Variants in LIMS1 observed in about 807,000 individuals in gnomAD.
LIMS1 encodes LIM zinc finger domain containing 1, also known as LIM and senescent cell antigen-like-containing domain protein 1.
LIMS1 carries 18 observed loss-of-function variants against 44.1 expected under a neutral mutation model. The observed-to-expected ratio is 0.41, with a 90% confidence interval of 0.28 to 0.61. The LOEUF is 0.61. Among genes scored for constraint, LIMS1 ranks in the 20% least tolerant of loss-of-function variants. The pLI is 0.32. For missense variants in LIMS1, 201 were observed against 422.0 expected, an observed-to-expected ratio of 0.48 and a Z score of 4.59; for synonymous variants, 93 against 149.1, an observed-to-expected ratio of 0.62 and a Z score of 2.74.
chr2:108,611,376 C>T (rs1023800563), intron 1 of LIMS1, among the ~76,000 whole-genome samples: 4 of 152,082 alleles, frequency 2.6e-5, no homozygotes, highest in East Asian at 3.8e-4. Flanking sequence ...TATTGAGCCC[C>T]GGGGAAGGAA....
intron 2 of LIMS1, among the ~76,000 whole-genome samples, chr2:108,664,504 T>G (rs193302245): frequency 1.1e-4 from 16 of 152,366 alleles, no homozygotes; most frequent in Admixed American, 9.8e-4. Context: ...ATTTGGACCA[T>G]TAATATTTCT....
intron 2 of LIMS1, chr2:108,662,096 G>A (rs906384725): frequency 6.4e-7 from 1 of 1,553,252 alleles, no homozygotes; most frequent in Non-Finnish European, 8.8e-7. Context: ...CAATAGAGAA[G>A]AACTCAGAGA....
At chr2:108,534,035 G>A (rs56360832), upstream of LIMS1, 26,744 of 153,116 alleles carry the variant, frequency 0.17, 2,748 homozygotes, top group African/African-American at 0.27. Flanking sequence ...CCACGCGAGT[G>A]GAATCAGAGG....
At chr2:108,552,088 A>G (rs1475004336) in intron 1 of LIMS1, among the ~76,000 whole-genome samples, 1 of 146,110 alleles carries the variant, frequency 6.8e-6, no homozygotes, top group Admixed American at 7.0e-5. Flanking sequence ...GTATATATAC[A>G]TATGTATATT....
At chr2:108,683,539 CAAA>C (rs35864001) in intron 9 of LIMS1, among the ~76,000 whole-genome samples, 3 of 105,978 alleles carry the variant, frequency 2.8e-5, no homozygotes, top group Admixed American at 1.2e-4. Flanking sequence ...GCTCTGTTTC[CAAA>C]AAAAAAAAAA....
chr2:108,660,718 C>T (rs1691302495), intron 2 of LIMS1: 4 of 191,250 alleles, frequency 2.1e-5, no homozygotes, highest in Non-Finnish European at 4.5e-5. Context: ...ACCACCATGT[C>T]TGGCCTACTG....
chr2:108,597,818 G>C (rs546669956), intron 1 of LIMS1, among the ~76,000 whole-genome samples: 1 of 149,718 alleles, frequency 6.7e-6, no homozygotes, highest in African/African-American at 2.5e-5. Context: ...TCAGCCTCCC[G>C]AATAGCTGGG....
At chr2:108,642,355 T>G (rs1311048981) in intron 1 of LIMS1, among the ~76,000 whole-genome samples, 6 of 9,676 alleles carry the variant, frequency 6.2e-4, no homozygotes, top group Non-Finnish European at 1.2e-3. Flanking sequence ...TTTTTTTTTT[T>G]TTGTTTTTTG....
chr2:108,539,085 T>C (rs1169368223), intron 1 of LIMS1, among the ~76,000 whole-genome samples: 1 of 152,188 alleles, frequency 6.6e-6, no homozygotes, highest in African/African-American at 2.4e-5. Context: ...GAGTGTTTTT[T>C]GTTTTGTTTT....
At chr2:108,661,709 A>G (rs1324569644) in intron 2 of LIMS1, among the ~76,000 whole-genome samples, 3 of 152,174 alleles carry the variant, frequency 2.0e-5, no homozygotes, top group African/African-American at 4.8e-5. Context: ...CCATGACTCA[A>G]TTCAGTTAAA....
intron 1 of LIMS1, among the ~76,000 whole-genome samples, chr2:108,555,053 C>T (rs1684878188): frequency 6.6e-6 from 1 of 152,164 alleles, no homozygotes; most frequent in Admixed American, 6.5e-5. Flanking sequence ...ACGAGATGCA[C>T]ATTTTCTTCG....
intron 1 of LIMS1, among the ~76,000 whole-genome samples, chr2:108,536,655 A>T (rs1287465334): frequency 6.6e-6 from 1 of 152,140 alleles, no homozygotes; most frequent in Non-Finnish European, 1.5e-5. Flanking sequence ...ATCATGACTT[A>T]CTGCACCCTA....
intron 1 of LIMS1, among the ~76,000 whole-genome samples, chr2:108,560,592 T>TGACACTCCTGATTGCCCC: frequency 6.6e-6 from 1 of 151,982 alleles, no homozygotes; most frequent in African/African-American, 2.4e-5. Flanking sequence ...AAAATTGCCC[T>TGACACTCCTGATTGCCCC]GACACTCCTG....
chr2:108,608,506 A>T (rs1038128072), intron 1 of LIMS1, among the ~76,000 whole-genome samples: 15 of 151,946 alleles, frequency 9.9e-5, no homozygotes, highest in Non-Finnish European at 1.5e-4. Flanking sequence ...AGGTTTCACC[A>T]TGTTGGCCAT....
intron 1 of LIMS1, among the ~76,000 whole-genome samples, chr2:108,582,461 G>C (rs574902165): frequency 7.0e-4 from 107 of 152,232 alleles, no homozygotes; most frequent in Middle Eastern, 3.4e-3. Flanking sequence ...ATCAGGTTTA[G>C]GTTGATATCT....
intron 9 of LIMS1, among the ~76,000 whole-genome samples, chr2:108,682,224 A>G (rs112450556): frequency 2.6e-4 from 39 of 151,814 alleles, no homozygotes; most frequent in African/African-American, 8.2e-4. Flanking sequence ...TAAGATTAAA[A>G]CAATGAGGCC....
chr2:108,641,443 G>A (rs1238832220), intron 1 of LIMS1, among the ~76,000 whole-genome samples: 6 of 152,192 alleles, frequency 3.9e-5, no homozygotes, highest in Non-Finnish European at 8.8e-5. Flanking sequence ...TGATTCCAGT[G>A]TTTGGGATGG....
At chr2:108,612,825 C>T (rs1049978499) in intron 1 of LIMS1, among the ~76,000 whole-genome samples, 2 of 152,082 alleles carry the variant, frequency 1.3e-5, no homozygotes, top group African/African-American at 4.8e-5. Context: ...GTTTACACTC[C>T]GGGGCTTGCG....
chr2:108,621,428 T>G, intron 1 of LIMS1: 1 of 1,551,154 alleles, frequency 6.4e-7, no homozygotes, highest in East Asian at 2.4e-5. Context: ...CCCGATAGTT[T>G]GAGAGTAAAT....
Sources: allele counts gnomAD v4.1 joint callset (sites outside exome capture counted in the v4.1 genomes callset), GRCh38; gene constraint gnomAD v4.1.1; transcripts MANE v1.5; gene names NCBI Gene and HGNC (gene_info 2026-07-23, HGNC 2026-07-21).